The following MTUS1 variants were observed in gnomAD, a reference collection of about 807,000 sequenced individuals.
The protein encoded by MTUS1 is microtubule-associated tumor suppressor 1.
Under a neutral mutation model 120.8 loss-of-function variants are expected in MTUS1, and 109 were observed. That is an observed-to-expected ratio of 0.90 (90% confidence interval 0.77 to 1.06). The LOEUF is 1.06. MTUS1 is among the 50% of genes least tolerant of loss of function. The pLI, the probability that MTUS1 is intolerant of heterozygous loss-of-function variation, is 0.00. For missense variants in MTUS1, 2,210 were observed against 1,486.3 expected (o/e 1.49, Z -8.01); for synonymous variants, 737 against 550.5 (o/e 1.34, Z -4.74).
At chr8:17,770,019 G>C (rs2049908450) in intron 1 of MTUS1, among the ~76,000 whole-genome samples, 1 of 151,874 alleles carries the variant, frequency 6.6e-6, no homozygotes, top group African/African-American at 2.4e-5. Flanking sequence ...GACATATAAA[G>C]TATATAATAC....
chr8:17,695,853 C>G (rs1817836110), intron 6 of MTUS1, among the ~76,000 whole-genome samples: 1 of 152,074 alleles, frequency 6.6e-6, no homozygotes, highest in Non-Finnish European at 1.5e-5. Context: ...TGGAAACGTG[C>G]AAGAACACTA....
At chr8:17,694,152 C>T (rs1415188363) in intron 6 of MTUS1, among the ~76,000 whole-genome samples, 5 of 152,136 alleles carry the variant, frequency 3.3e-5, no homozygotes, top group Admixed American at 1.3e-4. Context: ...GTCTCAAACT[C>T]CTAGCCTTAA....
intron 1 of MTUS1, among the ~76,000 whole-genome samples, chr8:17,766,158 A>G (rs754540408): frequency 3.9e-5 from 6 of 152,218 alleles, no homozygotes; most frequent in Admixed American, 1.3e-4. Context: ...AGTTTGCTAC[A>G]GCTGTCAAAG....
intron 5 of MTUS1, among the ~76,000 whole-genome samples, chr8:17,715,057 G>C (rs2937892): frequency 0.79 from 120,328 of 151,554 alleles, 47,984 homozygotes; most frequent in Middle Eastern, 0.89. Context: ...AGGTACACAC[G>C]ACCATGCCCA....
At chr8:17,752,977 C>T (rs1433696367) in intron 2 of MTUS1, among the ~76,000 whole-genome samples, 4 of 152,220 alleles carry the variant, frequency 2.6e-5, no homozygotes, top group African/African-American at 9.6e-5. Context: ...ATCACCTTTA[C>T]ACTGCATGTG....
intron 3 of MTUS1, among the ~76,000 whole-genome samples, chr8:17,730,169 G>C (rs2046469606): frequency 6.6e-6 from 1 of 152,090 alleles, no homozygotes; most frequent in Non-Finnish European, 1.5e-5. Flanking sequence ...TGCATGTCTA[G>C]GTACAGATCC....
chr8:17,772,902 A>C (rs1310088431), intron 1 of MTUS1, among the ~76,000 whole-genome samples: 1 of 152,244 alleles, frequency 6.6e-6, no homozygotes, highest in African/African-American at 2.4e-5. Context: ...AAAAGACTTG[A>C]AGATTATATA....
intron 1 of MTUS1, among the ~76,000 whole-genome samples, chr8:17,800,179 C>T (rs1282278658): frequency 2.6e-5 from 4 of 151,852 alleles, no homozygotes; most frequent in African/African-American, 4.8e-5. Flanking sequence ...CTTTTTTAAT[C>T]CCCTCCCTCC....
At chr8:17,691,404 G>C (rs945244103) in intron 6 of MTUS1, 1 of 152,244 alleles carries the variant, frequency 6.6e-6, no homozygotes, top group African/African-American at 2.4e-5. Flanking sequence ...CAAAGCTACA[G>C]CTCTAAAACC....
rs75840372 is a variant in MTUS1 at position 17,660,568 on chromosome 8, A to C, written c.2906-4503T>G. Among the ~76,000 whole-genome samples the C allele has an allele frequency of 5.6e-3, 848 of 152,256 alleles. 12 individuals carry two copies. Among genetic ancestry groups the C allele is most frequent in the African/African-American group, 0.02 (829 of 41,550 alleles). ...TATACCCAGAAGGAATTGCTGACTC[A>C]TATGGCAATTCTATTATTAATTATT... is the stretch of plus-strand genomic sequence containing the variant. On this transcript the variant is annotated intron_variant, in intron 8 of 14. Coordinates refer to ENST00000693296, the MANE Select transcript of MTUS1 (RefSeq NM_001363059.2).
At chr8:17,773,694 A>G (rs1563368842) in intron 1 of MTUS1, among the ~76,000 whole-genome samples, 3 of 152,278 alleles carry the variant, frequency 2.0e-5, no homozygotes, top group Admixed American at 1.3e-4. Flanking sequence ...ACCTGATGAA[A>G]TTATCTAAAT....
At chr8:17,727,351 T>C (rs2046290766) in intron 3 of MTUS1, among the ~76,000 whole-genome samples, 1 of 152,150 alleles carries the variant, frequency 6.6e-6, no homozygotes, top group African/African-American at 2.4e-5. Context: ...AATCCAAGTG[T>C]CTAACCACCT....
intron 7 of MTUS1, among the ~76,000 whole-genome samples, chr8:17,680,893 G>C (rs774412006): frequency 2.0e-5 from 3 of 151,868 alleles, no homozygotes; most frequent in South Asian, 2.1e-4. Context: ...TCGTTCACTG[G>C]GGGGAATACA....
intron 6 of MTUS1, among the ~76,000 whole-genome samples, chr8:17,712,480 G>T (rs1821509751): frequency 6.6e-6 from 1 of 152,078 alleles, no homozygotes; most frequent in African/African-American, 2.4e-5. Context: ...GGGACTCCAG[G>T]AGCGTACCAC....
intron 5 of MTUS1, among the ~76,000 whole-genome samples, chr8:17,714,493 C>T (rs1027222345): frequency 2.0e-5 from 3 of 152,178 alleles, no homozygotes; most frequent in Non-Finnish European, 4.4e-5. Context: ...TGAATCTTGA[C>T]TCACATTTGA....
intron 2 of MTUS1, among the ~76,000 whole-genome samples, chr8:17,745,371 C>G (rs1244421278): frequency 6.6e-6 from 1 of 152,200 alleles, no homozygotes; most frequent in Non-Finnish European, 1.5e-5. Flanking sequence ...CTTACAACAT[C>G]TACCTATTAC....
chr8:17,645,574 C>T lies in MTUS1; in HGVS notation c.*352G>A, dbSNP rs766456016. 1.7e-4 allele frequency: 32 copies of T among 183,180 alleles called. No homozygotes were observed. Among genetic ancestry groups the T allele is most frequent in the Non-Finnish European group, 3.1e-4 (28 of 89,456 alleles). 11.3% of individuals were successfully genotyped at this position (183,180 alleles called of 1,614,324 possible). A position where few individuals can be genotyped will look rare whatever the true frequency, so the allele number is the denominator to read the frequency against. ...AAGGTGTCTGTGGTGAAGAACATTA[C>T]AAAGGTTATAAATCTTAATAGGGCC... is the stretch of plus-strand genomic sequence containing the variant. On this transcript the variant is annotated 3_prime_UTR_variant, in exon 15 of 15. Transcript: ENST00000693296.
chr8:17,742,760 A>G (rs1447546401), intron 3 of MTUS1, among the ~76,000 whole-genome samples: 1 of 152,226 alleles, frequency 6.6e-6, no homozygotes, highest in East Asian at 1.9e-4. Flanking sequence ...ACTAAATTGT[A>G]GAGAGGTACA....
At position 17,725,746 on chromosome 8, in the gene MTUS1, TA is replaced by T. The variant is rs1265718604; in HGVS notation, c.2288-1914del. ...TGAACGCTAACCCAATACAAATTCA[TA>T]AATTTTCTTAGAACATTATGAGATT... On this transcript the variant is annotated intron_variant, in intron 3 of 14. Coordinates refer to ENST00000693296, the MANE Select transcript of MTUS1 (RefSeq NM_001363059.2). Among the ~76,000 whole-genome samples the T allele has an allele frequency of 3.9e-5, 6 of 152,216 alleles. No individual in the cohort carries two copies. The South Asian group carries it at 1.2e-3, about 32-fold the overall frequency.
Sources: gnomAD v4.1 joint callset for allele counts (sites outside exome capture counted in the v4.1 genomes callset) on GRCh38, gnomAD v4.1.1 for gene constraint, MANE v1.5 for transcripts, NCBI Gene and HGNC (gene_info 2026-07-23, HGNC 2026-07-21) for gene names.